The following CIBAR1 variants were observed in gnomAD, a reference collection of about 807,000 sequenced individuals.
The protein encoded by CIBAR1 is CBY1 interacting BAR domain containing 1.
Under a neutral mutation model 44.0 loss-of-function variants are expected in CIBAR1, and 25 were observed. That is an observed-to-expected ratio of 0.57 (90% confidence interval 0.41 to 0.79). CIBAR1 has a LOEUF of 0.79. Among genes scored for constraint, CIBAR1 ranks in the 30% least tolerant of loss-of-function variants. The probability of loss-of-function intolerance (pLI) is 0.00; values close to 1 mark genes in which losing one functional copy is unlikely to be tolerated. For synonymous variants in CIBAR1, 115 were observed against 119.0 expected, an observed-to-expected ratio of 0.97 and a Z score of 0.22; for missense variants, 278 against 344.8, an observed-to-expected ratio of 0.81 and a Z score of 1.53.
chr8:93,714,645 C>T (rs960304797), intron 6 of CIBAR1, among the ~76,000 whole-genome samples: 2 of 151,984 alleles, frequency 1.3e-5, no homozygotes, highest in African/African-American at 4.8e-5. Context: ...ATTATAGCCC[C>T]CTTACTTTTT....
At chr8:93,717,416 T>C (rs985837964) in intron 6 of CIBAR1, among the ~76,000 whole-genome samples, 16 of 152,242 alleles carry the variant, frequency 1.1e-4, no homozygotes, top group African/African-American at 3.4e-4. Flanking sequence ...GTTGCCAGCC[T>C]GGTATACCTG....
In CIBAR1 at chr8:93,703,759, T is replaced by C. The variant is rs907483721; in HGVS notation, c.330+71T>C. 11 of 1,305,590 alleles carry C rather than the reference T, an allele frequency of 8.4e-6. No homozygotes were observed. In the African/African-American group the frequency reaches 1.7e-4, roughly 20 times the overall value. 80.9% of individuals were successfully genotyped at this position (1,305,590 alleles called of 1,614,324 possible). On this transcript the variant is annotated intron_variant, in intron 3 of 8. Coordinates refer to ENST00000518322, the MANE Select transcript of CIBAR1 (RefSeq NM_145269.5). Reference sequence around the variant, plus strand: ...AGACTATGAGGTTTCCAATTGTTTTTTTAAATAAGAAATACAAAGTAGTGG... The same window carrying C: ...AGACTATGAGGTTTCCAATTGTTTTCTTAAATAAGAAATACAAAGTAGTGG...
intron 1 of CIBAR1, 120 bp downstream of exon 1, chr8:93,700,793 C>T (rs1810308142): frequency 2.2e-6 from 3 of 1,359,518 alleles, no homozygotes; most frequent in African/African-American, 1.5e-5. Flanking sequence ...GGAGGCTGCA[C>T]GGTCCCCGCT....
At chr8:93,702,456 A>G (rs141177500) in intron 2 of CIBAR1, 4,529 of 448,692 alleles carry the variant, frequency 0.01, 88 homozygotes, top group South Asian at 0.043. Context: ...TATTTATCAA[A>G]TAGCAAAGTG....
chr8:93,702,408 C>A, intron 2 of CIBAR1: 1 of 391,128 alleles, frequency 2.6e-6, no homozygotes. Flanking sequence ...TTATTTTAGC[C>A]AATAATTTCA....
chr8:93,709,551 GT>G (rs912717862), intron 5 of CIBAR1, among the ~76,000 whole-genome samples: 3 of 151,840 alleles, frequency 2.0e-5, no homozygotes, highest in East Asian at 3.9e-4. Context: ...TGTTCTTAGG[GT>G]TTTTTTTCTA....
intron 6 of CIBAR1, 46 bp downstream of exon 6, chr8:93,709,921 T>G (rs768386653): frequency 4.3e-6 from 6 of 1,405,986 alleles, no homozygotes; most frequent in Non-Finnish European, 1.9e-6. Context: ...TTAACCTTTT[T>G]TTTTACTTTA....
intron 5 of CIBAR1, among the ~76,000 whole-genome samples, chr8:93,708,333 TTTG>T: frequency 6.6e-6 from 1 of 152,336 alleles, no homozygotes; most frequent in South Asian, 2.1e-4. Context: ...TTGGGCAACT[TTTG>T]TTCTAGCAGA....
chr8:93,718,918 C>T (rs968533717), intron 7 of CIBAR1, 130 bp downstream of exon 7: 2 of 486,660 alleles, frequency 4.1e-6, no homozygotes, highest in Non-Finnish European at 7.0e-6. Context: ...AGTTGGAGTG[C>T]AGTAGTGTGA....
At chr8:93,701,089 G>C in intron 1 of CIBAR1, 135 bp from the exon 2 acceptor site, 1 of 1,483,806 alleles carries the variant, frequency 6.7e-7, no homozygotes, top group Admixed American at 2.3e-5. Flanking sequence ...GTCCGCGCCG[G>C]GAGACGCTGG....
intron 6 of CIBAR1, 75 bp downstream of exon 6, chr8:93,709,950 T>A: frequency 8.4e-7 from 1 of 1,191,050 alleles, no homozygotes; most frequent in Non-Finnish European, 1.2e-6. Context: ...TTTAAATTAC[T>A]CTAAATTTTT....
At chr8:93,702,800 A>G (rs186441259) in intron 2 of CIBAR1, among the ~76,000 whole-genome samples, 32 of 152,286 alleles carry the variant, frequency 2.1e-4, no homozygotes, top group Admixed American at 4.6e-4. Context: ...AATTATATAA[A>G]TATGTATCAT....
At chr8:93,713,556 A>C (rs1305780476) in intron 6 of CIBAR1, among the ~76,000 whole-genome samples, 1 of 152,184 alleles carries the variant, frequency 6.6e-6, no homozygotes, top group African/African-American at 2.4e-5. Context: ...CTAAGAATCC[A>C]CTGCCAAATC....
chr8:93,711,086 G>A (rs888707303), intron 6 of CIBAR1, among the ~76,000 whole-genome samples: 7 of 152,046 alleles, frequency 4.6e-5, no homozygotes, highest in African/African-American at 1.7e-4. Context: ...CACAAGAATT[G>A]CCTTATTCTA....
At chr8:93,706,100 T>C (rs1810570705) in intron 4 of CIBAR1, 1 of 152,250 alleles carries the variant, frequency 6.6e-6, no homozygotes, top group South Asian at 2.1e-4. Context: ...TTTGAGAGCA[T>C]TTGAGGTTCC....
intron 5 of CIBAR1, 82 bp from the exon 6 acceptor site, chr8:93,709,689 T>C: frequency 9.2e-7 from 1 of 1,089,628 alleles, no homozygotes; most frequent in Non-Finnish European, 1.4e-6. Flanking sequence ...AGTACTGCAA[T>C]GGTAGAATTT....
intron 3 of CIBAR1, among the ~76,000 whole-genome samples, chr8:93,704,438 G>T (rs1186071061): frequency 6.6e-6 from 1 of 152,194 alleles, no homozygotes. Context: ...ACTCCTATGA[G>T]AATCTGATGC....
At position 93,730,680 on chromosome 8, in the gene CIBAR1, C is replaced by T. The variant is rs550185907; in HGVS notation, c.*2383C>T. The T allele has an allele frequency of 1.3e-5, 2 of 151,936 alleles. No homozygotes were observed. Among genetic ancestry groups the T allele is most frequent in the African/African-American group, 4.8e-5 (2 of 41,464 alleles). 9.4% of individuals were successfully genotyped at this position (151,936 alleles called of 1,614,324 possible). The stretch of plus-strand genomic sequence containing the variant: ...TTATCACTTTCCATGGTGTAAAATA[C>T]TCCTGCCATGGCCAATTTGTTATTG... On this transcript the variant is annotated 3_prime_UTR_variant, in exon 9 of 9. Transcript: ENST00000518322.
Position 93,700,623 on chromosome 8 carries a change from G to A in CIBAR1, c.-25G>A. On this transcript the variant is annotated 5_prime_UTR_variant, in exon 1 of 9. Coordinates refer to ENST00000518322, the MANE Select transcript of CIBAR1 (RefSeq NM_145269.5). ...AATCCCCGTCCTTGGGCCCCCGCAA[G>A]GTCCCCGGCCGTGCGCGAGGCAGCA... The A allele has an allele frequency of 6.7e-7, 1 of 1,483,628 alleles. No homozygotes were observed. The highest frequency in any genetic ancestry group is 1.3e-5 in the South Asian group (1 of 77,448). 91.9% of individuals were successfully genotyped at this position (1,483,628 alleles called of 1,614,324 possible). A position where few individuals can be genotyped will look rare whatever the true frequency, so the allele number is the denominator to read the frequency against.
Sources: gnomAD v4.1 joint callset for allele counts (sites outside exome capture counted in the v4.1 genomes callset) on GRCh38, gnomAD v4.1.1 for gene constraint, MANE v1.5 for transcripts, NCBI Gene and HGNC (gene_info 2026-07-23, HGNC 2026-07-21) for gene names.